THBS4: variants seen among roughly 807,000 people sequenced by gnomAD.
THBS4 encodes the protein thrombospondin-4.
A neutral mutation model predicts 115.7 loss-of-function variants in THBS4; 90 were observed. The ratio of observed to expected loss-of-function variants is 0.78; its 90% confidence interval spans 0.66 to 0.93. THBS4 has a LOEUF of 0.93. THBS4 is among the 40% of genes least tolerant of loss of function. The probability of loss-of-function intolerance (pLI) is 0.00; values close to 1 mark genes in which losing one functional copy is unlikely to be tolerated. For missense variants in THBS4, 1,087 were observed against 1,232.7 expected (o/e 0.88, Z 1.77); for synonymous variants, 460 against 479.3 (o/e 0.96, Z 0.53).
At chr5:80,070,606 T>A in intron 11 of THBS4, 37 bp from the exon 12 acceptor site, 1 of 1,584,246 alleles carries the variant, frequency 6.3e-7, no homozygotes, top group Non-Finnish European at 8.7e-7. Context: ...TTAACACAAA[T>A]GTAGGATGTC....
chr5:80,075,873 A>G (rs1324047589), intron 15 of THBS4, among the ~76,000 whole-genome samples: 1 of 152,158 alleles, frequency 6.6e-6, no homozygotes, highest in Non-Finnish European at 1.5e-5. Flanking sequence ...CTTCACTTTC[A>G]CTGGACCCTT....
chr5:80,037,091 C>T (rs896206199), intron 1 of THBS4, among the ~76,000 whole-genome samples: 15 of 152,122 alleles, frequency 9.9e-5, no homozygotes, highest in Non-Finnish European at 1.5e-4. Context: ...CTTCAAAAGT[C>T]TTATTGTGAT....
At chr5:80,065,986 T>C (rs949640650) in intron 9 of THBS4, among the ~76,000 whole-genome samples, 1 of 151,508 alleles carries the variant, frequency 6.6e-6, no homozygotes, top group Non-Finnish European at 1.5e-5. Context: ...TCCCAGCTAC[T>C]CTGGAGGCTG....
chr5:80,024,282 C>A (rs147351874), intron 2 of THBS4, among the ~76,000 whole-genome samples: 75 of 152,282 alleles, frequency 4.9e-4, no homozygotes, highest in African/African-American at 1.8e-3. Flanking sequence ...AAGGCTGTTG[C>A]ACTCCTAACC....
Position 80,058,351 on chromosome 5 carries a change from C to G in THBS4, c.649+37C>G, listed in dbSNP as rs771178369. 2.0e-6 allele frequency: 3 copies of G among 1,464,956 alleles called. No individual in the cohort carries two copies. In the South Asian group the frequency reaches 3.7e-5, roughly 18 times the overall value. 90.7% of individuals were successfully genotyped at this position (1,464,956 alleles called of 1,614,324 possible). A position where few individuals can be genotyped will look rare whatever the true frequency, so the allele number is the denominator to read the frequency against. The stretch of plus-strand genomic sequence containing the variant: ...TGGGCAGTTTGCATGCCTTCATCAA[C>G]ACAAACTCCAAAGACCCTGAATAGG... On this transcript the variant is annotated intron_variant, in intron 4 of 21. Coordinates refer to ENST00000350881, the MANE Select transcript of THBS4 (RefSeq NM_003248.6).
In THBS4 at chr5:80,082,542, A is replaced by G. The variant is rs1467878565; in HGVS notation, c.2821A>G (p.Asn941Asp). The change falls in exon 21 of 22, where the codon AAT becomes GAT. Residue 941 changes from asparagine to aspartate, a missense_variant. By Grantham distance (23) the Asn-to-Asp change is conservative (BLOSUM62 1). This residue lies in a region of THBS4 where 103 missense variants were observed against 108.2 expected (regional missense o/e 0.95). Transcript: ENST00000350881. ...CTGGTCCAACCTCAAGTATCGCTGC[A>G]ATGGTAATGTGCATTCTCGTTACTG... ...IIWSNLKYRCNDTIPEDFQEF... is the reference protein window; with the variant it reads ...IIWSNLKYRCDDTIPEDFQEF... The G allele has an allele frequency of 6.2e-7, 1 of 1,614,176 alleles. No homozygotes were observed. The highest frequency in any genetic ancestry group is 1.1e-5 in the South Asian group (1 of 91,072).
At position 80,058,208 on chromosome 5, in the gene THBS4, C is replaced by A; in HGVS notation, c.543C>A (p.Asp181Glu). ...GGTATGAATGTGATTTCTTCCAGGA[C>A]TTCTTGGAAGAGCTGAAGCTGGTGG... is the stretch of plus-strand genomic sequence containing the variant. ...ELRTFQRKPQDFLEELKLVVR... is the reference protein window; with the variant it reads ...ELRTFQRKPQEFLEELKLVVR... Residue 181 changes from aspartate (D) to glutamate (E), a missense_variant and splice_region_variant, in exon 4 of 22, where the codon GAC (aspartate) becomes GAA (glutamate). Physicochemically the swap from Asp to Glu is conservative, Grantham distance 45 (BLOSUM62 2). Around this residue, in one of 3 missense-constraint regions of THBS4, gnomAD observed 979 missense variants for 1,103.7 expected, o/e 0.89. Transcript: ENST00000350881. The A allele has an allele frequency of 1.3e-6, 2 of 1,568,852 alleles. No individual in the cohort carries two copies. The highest frequency in any genetic ancestry group is 1.7e-6 in the Non-Finnish European group (2 of 1,155,046).
intron 2 of THBS4, among the ~76,000 whole-genome samples, chr5:80,011,643 T>A (rs1425575569): frequency 6.6e-6 from 1 of 152,086 alleles, no homozygotes; most frequent in Non-Finnish European, 1.5e-5. Flanking sequence ...CAGTAATATA[T>A]TTTAAATAGT....
At chr5:80,046,181 T>C (rs1411144041) in intron 2 of THBS4, among the ~76,000 whole-genome samples, 1 of 152,200 alleles carries the variant, frequency 6.6e-6, no homozygotes, top group Admixed American at 6.5e-5. Flanking sequence ...ATGGCTCTTT[T>C]GTTTCTGTCT....
intron 2 of THBS4, among the ~76,000 whole-genome samples, chr5:80,044,202 A>C (rs1832988667): frequency 6.6e-6 from 1 of 152,060 alleles, no homozygotes; most frequent in South Asian, 2.1e-4. Context: ...TCTTCTCTCC[A>C]TTTGGTTGGG....
At chr5:80,000,161 A>G (rs1188094003) in intron 2 of THBS4, among the ~76,000 whole-genome samples, 1 of 152,196 alleles carries the variant, frequency 6.6e-6, no homozygotes, top group Admixed American at 6.5e-5. Flanking sequence ...TACTTACACC[A>G]TTTGATTACA....
chr5:80,025,762 G>A (rs1341596707), intron 2 of THBS4, among the ~76,000 whole-genome samples: 1 of 152,112 alleles, frequency 6.6e-6, no homozygotes, highest in Non-Finnish European at 1.5e-5. Context: ...GGTCCTCCAC[G>A]CGTTCCCCTT....
At chr5:80,000,666 CTTTCATTCAAGG>C (rs1831880616) in intron 2 of THBS4, among the ~76,000 whole-genome samples, 1 of 152,142 alleles carries the variant, frequency 6.6e-6, no homozygotes, top group Non-Finnish European at 1.5e-5. Flanking sequence ...TGACCTTCAA[CTTTCATTCAAGG>C]TTAATCATAG....
chr5:80,031,152 G>A (rs1832580786), upstream of THBS4, among the ~76,000 whole-genome samples: 1 of 152,178 alleles, frequency 6.6e-6, no homozygotes, highest in African/African-American at 2.4e-5. Context: ...AGTAAGATGG[G>A]CTTCCAAGCT....
intron 1 of THBS4, among the ~76,000 whole-genome samples, chr5:79,995,963 A>G (rs1831783550): frequency 8.3e-6 from 1 of 120,178 alleles, no homozygotes. Context: ...GGTAAAACAC[A>G]ATCTCTACTA....
At chr5:80,039,791 A>G (rs937601098) in intron 1 of THBS4, among the ~76,000 whole-genome samples, 13 of 152,134 alleles carry the variant, frequency 8.5e-5, no homozygotes, top group Admixed American at 8.5e-4. Context: ...TTTCAGAGCT[A>G]CTTGTTCAGC....
intron 17 of THBS4, 45 bp from the exon 18 acceptor site, chr5:80,078,876 T>G: frequency 6.3e-7 from 1 of 1,588,590 alleles, no homozygotes; most frequent in Non-Finnish European, 8.6e-7. Flanking sequence ...TAAGGTTACT[T>G]GGCCCCTTCA....
chr5:80,055,637 G>A, intron 2 of THBS4, 148 bp from the exon 3 acceptor site: 1 of 1,113,312 alleles, frequency 9.0e-7, no homozygotes. Context: ...CAATATTTGT[G>A]GTTATTTCTC....
intron 10 of THBS4, chr5:80,068,373 T>C (rs1296586095): frequency 4.8e-6 from 2 of 418,544 alleles, no homozygotes; most frequent in East Asian, 4.8e-5. Flanking sequence ...GGTACCTGGA[T>C]GCCAGAGCCT....
Sources: allele counts gnomAD v4.1 joint callset (sites outside exome capture counted in the v4.1 genomes callset), GRCh38; gene constraint gnomAD v4.1.1; regional missense constraint gnomAD v4.1.1; transcripts MANE v1.5; gene names NCBI Gene and HGNC (gene_info 2026-07-23, HGNC 2026-07-21).